The following CCDC149 variants were observed in gnomAD, a reference collection of about 807,000 sequenced individuals.
CCDC149 encodes the protein coiled-coil domain-containing protein 149.
Under a neutral mutation model 59.9 loss-of-function variants are expected in CCDC149, and 45 were observed. That is an observed-to-expected ratio of 0.75 (90% CI 0.59 to 0.96). The LOEUF (loss-of-function observed/expected upper bound fraction) is 0.96, where lower values mean the gene tolerates loss of function less well. CCDC149 is among the 40% of genes least tolerant of loss of function. The pLI is 0.00. For synonymous variants in CCDC149, 245 were observed against 260.6 expected, an observed-to-expected ratio of 0.94 and a Z score of 0.58; for missense variants, 584 against 664.7, an observed-to-expected ratio of 0.88 and a Z score of 1.33.
intron 1 of CCDC149, among the ~76,000 whole-genome samples, chr4:24,928,455 A>G (rs1722491287): frequency 6.6e-6 from 1 of 152,230 alleles, no homozygotes; most frequent in African/African-American, 2.4e-5. Flanking sequence ...GATGGTATGC[A>G]TAAAAGTCGA....
intron 12 of CCDC149, among the ~76,000 whole-genome samples, chr4:24,816,113 A>G (rs1005153660): frequency 1.3e-5 from 2 of 151,994 alleles, no homozygotes; most frequent in Admixed American, 1.3e-4. Flanking sequence ...TCTTTGAGAC[A>G]GGATCTCACA....
At chr4:24,839,330 C>A (rs1424343753) in intron 4 of CCDC149, among the ~76,000 whole-genome samples, 1 of 152,034 alleles carries the variant, frequency 6.6e-6, no homozygotes, top group Non-Finnish European at 1.5e-5. Flanking sequence ...CAGGCGCCCA[C>A]CACCATGCCC....
chr4:24,814,367 A>G (rs1714868911), intron 12 of CCDC149, among the ~76,000 whole-genome samples: 1 of 152,162 alleles, frequency 6.6e-6, no homozygotes, highest in Non-Finnish European at 1.5e-5. Context: ...TCAAGCCTTG[A>G]TTTTGAAAAA....
chr4:24,848,737 T>C (rs1036848513), intron 4 of CCDC149, among the ~76,000 whole-genome samples: 1 of 152,136 alleles, frequency 6.6e-6, no homozygotes, highest in African/African-American at 2.4e-5. Flanking sequence ...CTGAGGTTGC[T>C]AAGATCTGCA....
intron 1 of CCDC149, among the ~76,000 whole-genome samples, chr4:24,888,414 G>A (rs768090321): frequency 3.9e-5 from 6 of 152,068 alleles, no homozygotes; most frequent in Non-Finnish European, 5.9e-5. Flanking sequence ...TGTAAGGAGA[G>A]GATGCAGGAC....
At chr4:24,941,137 T>C (rs571021169) in intron 1 of CCDC149, among the ~76,000 whole-genome samples, 1 of 152,298 alleles carries the variant, frequency 6.6e-6, no homozygotes, top group South Asian at 2.1e-4. Flanking sequence ...TTTGACCACA[T>C]AGTTGGAAGT....
chr4:24,976,723 AAAAC>A (rs1397750443), intron 1 of CCDC149, among the ~76,000 whole-genome samples: 1 of 152,154 alleles, frequency 6.6e-6, no homozygotes, highest in African/African-American at 2.4e-5. Flanking sequence ...CCCTCTCAAA[AAAAC>A]AAAAAACAAA....
chr4:24,821,017 T>A, intron 11 of CCDC149, 38 bp downstream of exon 11: 1 of 1,182,356 alleles, frequency 8.5e-7, no homozygotes, highest in South Asian at 4.3e-5. Context: ...ACACTGCTGA[T>A]ATTAGCCACA....
intron 1 of CCDC149, among the ~76,000 whole-genome samples, chr4:24,940,986 A>G (rs1444320891): frequency 6.6e-6 from 1 of 152,230 alleles, no homozygotes; most frequent in Non-Finnish European, 1.5e-5. Context: ...AGACAGGTCA[A>G]TGAGACAGAA....
intron 3 of CCDC149, among the ~76,000 whole-genome samples, chr4:24,866,373 G>A (rs759638312): frequency 6.6e-6 from 1 of 151,998 alleles, no homozygotes; most frequent in South Asian, 2.1e-4. Context: ...AGTTTTCACC[G>A]GGAAAATGTA....
chr4:24,879,374 AG>A (rs1420684182), intron 1 of CCDC149, among the ~76,000 whole-genome samples: 1 of 152,106 alleles, frequency 6.6e-6, no homozygotes, highest in Non-Finnish European at 1.5e-5. Context: ...AAAATTAGCC[AG>A]GCATGGTGGC....
intron 12 of CCDC149, among the ~76,000 whole-genome samples, chr4:24,816,578 G>A (rs1213526295): frequency 6.6e-6 from 1 of 152,028 alleles, no homozygotes; most frequent in Non-Finnish European, 1.5e-5. Context: ...TTATTTTTAA[G>A]GATAGACACA....
At chr4:24,941,897 ATAAT>A (rs1722964941) in intron 1 of CCDC149, among the ~76,000 whole-genome samples, 1 of 152,224 alleles carries the variant, frequency 6.6e-6, no homozygotes, top group Admixed American at 6.5e-5. Context: ...AATTGAGGCA[ATAAT>A]TAATAGCTTA....
At chr4:24,842,885 T>C (rs920087941) in intron 4 of CCDC149, among the ~76,000 whole-genome samples, 14 of 152,302 alleles carry the variant, frequency 9.2e-5, no homozygotes, top group Admixed American at 7.2e-4. Context: ...TACCCAACAG[T>C]GAGAGGCAGC....
intron 4 of CCDC149, among the ~76,000 whole-genome samples, chr4:24,848,709 G>GAA (rs370612834): frequency 6.7e-6 from 1 of 149,926 alleles, no homozygotes; most frequent in African/African-American, 2.4e-5. Context: ...TCGACTTAAG[G>GAA]AAAAAAAAAA....
intron 1 of CCDC149, among the ~76,000 whole-genome samples, chr4:24,885,509 C>T (rs978903258): frequency 7.2e-5 from 11 of 152,140 alleles, no homozygotes; most frequent in Non-Finnish European, 1.5e-5. Flanking sequence ...AGGGTGCTAC[C>T]CAGGCAACCA....
chr4:24,973,999 G>C (rs187352017), intron 1 of CCDC149, among the ~76,000 whole-genome samples: 1 of 152,246 alleles, frequency 6.6e-6, no homozygotes. Flanking sequence ...CAAGAGTCAC[G>C]GTCAGTTGCG....
chr4:24,901,040 T>C (rs1340405516), intron 1 of CCDC149, among the ~76,000 whole-genome samples: 1 of 152,240 alleles, frequency 6.6e-6, no homozygotes, highest in African/African-American at 2.4e-5. Flanking sequence ...AAAAATGTTT[T>C]TTCTTAAAGG....
chr4:24,827,695 T>C (rs780247740), intron 9 of CCDC149: 8 of 152,330 alleles, frequency 5.3e-5, no homozygotes, highest in Non-Finnish European at 7.4e-5. Context: ...TGCCTATTAA[T>C]TGAATGTTGC....
Sources: gnomAD v4.1 joint callset for allele counts (sites outside exome capture counted in the v4.1 genomes callset) on GRCh38, gnomAD v4.1.1 for gene constraint, MANE v1.5 for transcripts, NCBI Gene and HGNC (gene_info 2026-07-23, HGNC 2026-07-21) for gene names.